The following SLC9A8 variants were observed in gnomAD, a reference collection of about 807,000 sequenced individuals.
SLC9A8 encodes the protein sodium/hydrogen exchanger 8.
A neutral mutation model predicts 66.6 loss-of-function variants in SLC9A8; 48 were observed. The observed-to-expected ratio is 0.72, with a 90% CI of 0.57 to 0.92. The LOEUF is 0.92. Ranked by LOEUF, SLC9A8 falls within the 40% of genes least tolerant of loss-of-function variation. SLC9A8 has a pLI of 0.00. For synonymous variants in SLC9A8, 274 were observed against 282.6 expected, an observed-to-expected ratio of 0.97 and a Z score of 0.31; for missense variants, 599 against 747.3, an observed-to-expected ratio of 0.80 and a Z score of 2.31.
chr20:49,858,969 AG>A (rs2088625198), intron 8 of SLC9A8, among the ~76,000 whole-genome samples: 1 of 114,214 alleles, frequency 8.8e-6, no homozygotes, highest in Admixed American at 7.9e-5. Context: ...AAAAAAAAAA[AG>A]AAAGAAAAGA....
Position 49,834,459 on chromosome 20 carries a change from T to C in SLC9A8, c.290-5082T>C. On this transcript the variant is annotated intron_variant, in intron 3 of 15. Transcript: ENST00000361573. ...TATATATATATATATACTGTATATA[T>C]ATATACTGTGTATATATATATATAC... 4.8e-5 allele frequency among the ~76,000 whole-genome samples: 4 copies of C among 83,274 alleles called. 1 individual carries two copies. The highest frequency in any genetic ancestry group is 8.4e-5 in the Non-Finnish European group (3 of 35,696). The allele number at this position is 83,274 out of a possible 152,430, so 54.6% of individuals were successfully genotyped here.
At chr20:49,826,407 G>A (rs151125508) in intron 3 of SLC9A8, among the ~76,000 whole-genome samples, 26 of 152,280 alleles carry the variant, frequency 1.7e-4, no homozygotes, top group African/African-American at 5.3e-4. Flanking sequence ...TATGGTTTTC[G>A]TTCTTTCAGG....
Position 49,855,571 on chromosome 20 carries a change from G to C in SLC9A8, c.703G>C (p.Val235Leu). ...ESILNDAVSI[V>L]LTNTAEGLTR... ...TATTCTCAACGATGCAGTCTCCATT[G>C]TTCTGACCAAGTAAGTACGGGGGCA... is the stretch of plus-strand genomic sequence containing the variant. Residue 235 changes from valine (V) to leucine (L), a missense_variant, in exon 8 of 16, where the codon GTT (valine) becomes CTT (leucine). Physicochemically the swap from Val to Leu is conservative, Grantham distance 32. Around this residue, in one of 2 missense-constraint regions of SLC9A8, gnomAD observed 467 missense variants for 626.5 expected, o/e 0.75. Transcript: ENST00000361573. 4.3e-6 allele frequency: 7 copies of C among 1,614,134 alleles called. No individual in the cohort carries two copies. The highest frequency in any genetic ancestry group is 5.9e-6 in the Non-Finnish European group (7 of 1,179,998).
chr20:49,816,375 G>A (rs145169540), intron 2 of SLC9A8, among the ~76,000 whole-genome samples: 63 of 151,916 alleles, frequency 4.1e-4, no homozygotes, highest in African/African-American at 1.2e-3. Context: ...AGCCAAGATC[G>A]TGCCACTGTA....
intron 4 of SLC9A8, among the ~76,000 whole-genome samples, chr20:49,840,245 A>G (rs539701246): frequency 2.6e-5 from 4 of 152,284 alleles, no homozygotes; most frequent in South Asian, 4.1e-4. Context: ...CCCTTGTGTT[A>G]AAGAGGTTAT....
intron 14 of SLC9A8, among the ~76,000 whole-genome samples, chr20:49,884,336 A>ACACACACACACACACACACACACACC (rs1568884621): frequency 1.8e-5 from 2 of 108,526 alleles, no homozygotes; most frequent in Admixed American, 9.7e-5. Flanking sequence ...ACACACACAC[A>ACACACACACACACACACACACACACC]CCCCCCGGTC....
chr20:49,843,230 G>C (rs756269655), intron 4 of SLC9A8, among the ~76,000 whole-genome samples: 19 of 152,082 alleles, frequency 1.2e-4, no homozygotes, highest in Non-Finnish European at 2.4e-4. Context: ...CCAAAAGGCT[G>C]TATATAGTGG....
intron 6 of SLC9A8, 26 bp from the exon 7 acceptor site, chr20:49,850,784 G>A (rs183496375): frequency 3.1e-6 from 5 of 1,609,336 alleles, no homozygotes; most frequent in Non-Finnish European, 2.5e-6. Context: ...GTGTGTGTCT[G>A]TGTGTTTGTG....
At chr20:49,851,766 A>C (rs1421130572) in intron 7 of SLC9A8, among the ~76,000 whole-genome samples, 3 of 152,222 alleles carry the variant, frequency 2.0e-5, no homozygotes, top group Non-Finnish European at 1.5e-5. Flanking sequence ...GTTTTGATAC[A>C]TAAACAAGTA....
chr20:49,889,139 A>G lies in SLC9A8; in HGVS notation c.*1203A>G, dbSNP rs1315769682. On this transcript the variant is annotated 3_prime_UTR_variant, in exon 16 of 16. Coordinates refer to ENST00000361573, the MANE Select transcript of SLC9A8 (RefSeq NM_015266.3). ...GGAGCTGCCAGTCATGTCCAGATGG[A>G]ATGACTCCCATCCTCTCCTCATCTC... The G allele has an allele frequency of 6.6e-6, 1 of 152,312 alleles. No homozygotes were observed. The allele number at this position is 152,312 out of a possible 1,614,324, so 9.4% of individuals were successfully genotyped here.
chr20:49,834,747 T>C (rs1483242941), intron 3 of SLC9A8, among the ~76,000 whole-genome samples: 1 of 152,114 alleles, frequency 6.6e-6, no homozygotes, highest in East Asian at 1.9e-4. Context: ...GGCAATAGAA[T>C]AATTACTGAT....
At chr20:49,887,783 C>A in intron 15 of SLC9A8, 46 bp from the exon 16 acceptor site, 1 of 1,465,240 alleles carries the variant, frequency 6.8e-7, no homozygotes, top group Non-Finnish European at 9.3e-7. Flanking sequence ...CCTTCCATGG[C>A]CCTGCCCCTG....
chr20:49,815,091 C>A lies in SLC9A8; in HGVS notation c.110C>A (p.Thr37Asn), dbSNP rs746538298. Residue 37 changes from threonine (T) to asparagine (N), a missense_variant, in exon 2 of 16, where the codon ACC becomes AAC. Coordinates refer to ENST00000361573, the MANE Select transcript of SLC9A8 (RefSeq NM_015266.3). The part of the protein sequence containing the change: ...LVVTTKLVLP[T>N]PGKPILPVQT... Reference sequence around the variant, plus strand: ...GTCACGACGAAACTGGTGCTCCCGACCCCTGGCAAGCCCATCCTCCCCGTG... The same window carrying A: ...GTCACGACGAAACTGGTGCTCCCGAACCCTGGCAAGCCCATCCTCCCCGTG... The A allele has an allele frequency of 6.2e-7, 1 of 1,608,958 alleles. No individual in the cohort carries two copies. Among genetic ancestry groups the A allele is most frequent in the South Asian group, 1.1e-5 (1 of 89,938 alleles).
intron 3 of SLC9A8, among the ~76,000 whole-genome samples, chr20:49,838,291 T>C (rs1385256698): frequency 6.6e-6 from 1 of 152,196 alleles, no homozygotes; most frequent in African/African-American, 2.4e-5. Flanking sequence ...ATAAAACATG[T>C]AAAAGCTCCT....
chr20:49,830,312 G>C (rs1809191922), intron 3 of SLC9A8: 1 of 1,108,032 alleles, frequency 9.0e-7, no homozygotes, highest in African/African-American at 1.5e-5. Context: ...TGACTGTCTG[G>C]AACCGCACTG....
At chr20:49,877,048 G>T (rs186082279) in intron 11 of SLC9A8, among the ~76,000 whole-genome samples, 4 of 151,888 alleles carry the variant, frequency 2.6e-5, no homozygotes, top group East Asian at 1.9e-4. Context: ...AGCACTTTGA[G>T]GGGGGCCAAG....
chr20:49,839,637 A>G, intron 4 of SLC9A8, 38 bp downstream of exon 4: 1 of 1,333,742 alleles, frequency 7.5e-7, no homozygotes, highest in Non-Finnish European at 1.1e-6. Context: ...TTTTAGTAAC[A>G]TTGATCATTA....
chr20:49,815,406 A>G (rs1020179757), intron 2 of SLC9A8: 2 of 400,810 alleles, frequency 5.0e-6, no homozygotes, highest in Non-Finnish European at 8.7e-6. Flanking sequence ...AGAGCTGTTG[A>G]TGTAATATCT....
rs1219068629 is a variant in SLC9A8, at chr20:49,864,870, C to T, written c.958+26C>T. The T allele has an allele frequency of 2.8e-6, 4 of 1,443,824 alleles. No individual in the cohort carries two copies. In the South Asian group the frequency reaches 4.6e-5, roughly 16 times the overall value. The allele number at this position is 1,443,824 out of a possible 1,614,324, so 89.4% of individuals were successfully genotyped here. A position where few individuals can be genotyped will look rare whatever the true frequency, so the allele number is the denominator to read the frequency against. ...GTAAGTGACAGAGAGCCTGAAAGTGCTGTGGTGATGGCATCTTGTCCTGCC... is the reference window on the plus strand; with the variant it reads ...GTAAGTGACAGAGAGCCTGAAAGTGTTGTGGTGATGGCATCTTGTCCTGCC... On this transcript the variant is annotated intron_variant, in intron 10 of 15. Transcript: ENST00000361573.
Sources: allele counts gnomAD v4.1 joint callset (sites outside exome capture counted in the v4.1 genomes callset), GRCh38; gene constraint gnomAD v4.1.1; regional missense constraint gnomAD v4.1.1; transcripts MANE v1.5; gene names NCBI Gene and HGNC (gene_info 2026-07-23, HGNC 2026-07-21).